CFAP43: variants seen among roughly 807,000 people sequenced by gnomAD.
The protein encoded by CFAP43 is cilia and flagella associated protein 43.
A neutral mutation model predicts 218.9 loss-of-function variants in CFAP43; 155 were observed. The ratio of observed to expected loss-of-function variants is 0.71; its 90% CI spans 0.62 to 0.81. The LOEUF is 0.81. CFAP43 is among the 30% of genes least tolerant of loss of function. The probability of loss-of-function intolerance (pLI) is 0.00; values close to 1 mark genes in which losing one functional copy is unlikely to be tolerated. For missense variants in CFAP43, 1,778 were observed against 1,954.3 expected (o/e 0.91, Z 1.70); for synonymous variants, 645 against 681.3 (o/e 0.95, Z 0.83).
intron 2 of CFAP43, among the ~76,000 whole-genome samples, chr10:104,226,330 CATAAT>C (rs1287880756): frequency 2.0e-5 from 3 of 151,896 alleles, no homozygotes; most frequent in Admixed American, 2.0e-4. Context: ...TTTAATTGAC[CATAAT>C]ATAATCCTAA....
chr10:104,157,050 TAAAAC>T (rs2088586696), intron 27 of CFAP43, among the ~76,000 whole-genome samples: 1 of 152,118 alleles, frequency 6.6e-6, no homozygotes, highest in Admixed American at 6.5e-5. Context: ...ATGAAAAAAA[TAAAAC>T]AAGTAAAAAT....
At chr10:104,148,236 T>C (rs1251162796) in intron 28 of CFAP43, among the ~76,000 whole-genome samples, 1 of 152,208 alleles carries the variant, frequency 6.6e-6, no homozygotes, top group Non-Finnish European at 1.5e-5. Context: ...CATGAATATA[T>C]AATTTAATGG....
intron 31 of CFAP43, 54 bp downstream of exon 31, chr10:104,145,422 C>T: frequency 8.0e-7 from 1 of 1,246,126 alleles, no homozygotes; most frequent in Non-Finnish European, 1.2e-6. Context: ...AGTAACACTC[C>T]TCTTTATTTG....
At position 104,132,727 on chromosome 10, in the gene CFAP43, A is replaced by G. The variant is rs922792446; in HGVS notation, c.4597-531T>C. 7.1e-6 allele frequency: 7 copies of G among 984,964 alleles called. No homozygotes were observed. The African/African-American group carries it at 1.2e-4, about 17-fold the overall frequency. 61.0% of individuals were successfully genotyped at this position (984,964 alleles called of 1,614,324 possible). A position where few individuals can be genotyped will look rare whatever the true frequency, so the allele number is the denominator to read the frequency against. On this transcript the variant is annotated intron_variant, in intron 35 of 37. Transcript: ENST00000357060. ...TACATCAAAGCACCAATTATTACAA[A>G]TGCCTACTTTATTTTCTCATTCATT...
intron 5 of CFAP43, among the ~76,000 whole-genome samples, chr10:104,208,755 C>A (rs1465341199): frequency 6.6e-6 from 1 of 152,074 alleles, no homozygotes; most frequent in African/African-American, 2.4e-5. Context: ...ATATTTGAGT[C>A]TCTAAAAGAG....
chr10:104,215,786 T>C (rs1363759067), intron 3 of CFAP43, among the ~76,000 whole-genome samples: 1 of 152,106 alleles, frequency 6.6e-6, no homozygotes, highest in Non-Finnish European at 1.5e-5. Flanking sequence ...ATGAATAAAA[T>C]AGAGGCCATC....
intron 14 of CFAP43, 97 bp downstream of exon 14, chr10:104,187,223 A>G: frequency 3.1e-6 from 3 of 965,930 alleles, no homozygotes; most frequent in Non-Finnish European, 4.2e-6. Flanking sequence ...TAACTGAACT[A>G]TTCTGTTAAA....
chr10:104,188,344 A>G lies in CFAP43; in HGVS notation c.1613T>C (p.Met538Thr), dbSNP rs1367271986. 1.2e-6 allele frequency: 2 copies of G among 1,614,186 alleles called. No individual in the cohort carries two copies. Among genetic ancestry groups the G allele is most frequent in the Non-Finnish European group, 1.7e-6 (2 of 1,180,026 alleles). Residue 538 changes from methionine to threonine, a missense_variant, in exon 13 of 38, where the codon ATG (methionine) becomes ACG (threonine). Met to Thr is a moderately conservative substitution (Grantham distance 81, BLOSUM62 -1). Around this residue, in one of 3 missense-constraint regions of CFAP43, gnomAD observed 1,553 missense variants for 1,685.2 expected, o/e 0.92. Coordinates refer to ENST00000357060, the MANE Select transcript of CFAP43 (RefSeq NM_025145.7). ...SLLETDIVEV[M>T]VLSSLPEAGR... ...TGCTTCTGGAAGCGAGGAAAGCACC[A>G]TCACTTCCACTATGTCTGTTTCTAA...
rs746422961 is a variant in CFAP43, at chr10:104,132,235, CTCTT to C, written c.4597-43_4597-40del. ...AAAAAACATGTAAGGATATTTTTCT[CTCTT>C]TCAATAGATGACTTTATAAAGGTTG... On this transcript the variant is annotated intron_variant, in intron 35 of 37. Coordinates refer to ENST00000357060, the MANE Select transcript of CFAP43 (RefSeq NM_025145.7). 18 of 1,380,248 alleles carry C rather than the reference CTCTT, an allele frequency of 1.3e-5. No homozygotes were observed. In the South Asian group the frequency reaches 2.2e-4, roughly 17 times the overall value. 85.5% of individuals were successfully genotyped at this position (1,380,248 alleles called of 1,614,324 possible).
In CFAP43 at chr10:104,161,162, C is replaced by T. The variant is rs2088849577; in HGVS notation, c.3415G>A (p.Val1139Met). 6 of 1,612,802 alleles carry T rather than the reference C, an allele frequency of 3.7e-6. No individual in the cohort carries two copies. The highest frequency in any genetic ancestry group is 5.1e-6 in the Non-Finnish European group (6 of 1,179,636). ...EVKKEDILRM[V>M]IPQPAFMAKP... ...GCCATGAAAGCAGGTTGAGGAATCA[C>T]CTGAAGATATGAAGAAAAGCATATA... The change falls in exon 27 of 38, where the codon GTG (valine) becomes ATG (methionine). Residue 1139 changes from valine (V) to methionine (M), a missense_variant and splice_region_variant. Physicochemically the swap from Val to Met is conservative, Grantham distance 21. Transcript: ENST00000357060.
intron 33 of CFAP43, among the ~76,000 whole-genome samples, chr10:104,141,443 C>T (rs2087701314): frequency 6.6e-6 from 1 of 152,076 alleles, no homozygotes; most frequent in African/African-American, 2.4e-5. Context: ...GAAACCCCAT[C>T]TCTACTAACA....
At chr10:104,137,359 C>T (rs1326908479) in intron 34 of CFAP43, among the ~76,000 whole-genome samples, 1 of 152,138 alleles carries the variant, frequency 6.6e-6, no homozygotes, top group Non-Finnish European at 1.5e-5. Context: ...AGCCAGAAAA[C>T]AAAGGCCACA....
At chr10:104,160,111 G>T (rs979116760) in intron 27 of CFAP43, among the ~76,000 whole-genome samples, 1 of 152,160 alleles carries the variant, frequency 6.6e-6, no homozygotes, top group African/African-American at 2.4e-5. Flanking sequence ...CAGCAGGTGA[G>T]TACAAAGAAG....
intron 12 of CFAP43, among the ~76,000 whole-genome samples, chr10:104,189,935 A>C (rs1340168249): frequency 1.3e-5 from 2 of 152,208 alleles, no homozygotes; most frequent in African/African-American, 2.4e-5. Flanking sequence ...TGGGAGGCCA[A>C]GGCGGGCGGA....
At chr10:104,168,113 C>G (rs2089256050) in intron 21 of CFAP43, among the ~76,000 whole-genome samples, 1 of 152,136 alleles carries the variant, frequency 6.6e-6, no homozygotes, top group Non-Finnish European at 1.5e-5. Context: ...GCTACACACC[C>G]TACAGGGCAT....
At chr10:104,185,811 C>T (rs969938162) in intron 15 of CFAP43, among the ~76,000 whole-genome samples, 163 bp downstream of exon 15, 2 of 152,264 alleles carry the variant, frequency 1.3e-5, no homozygotes, top group South Asian at 2.1e-4. Context: ...CTTCCTGTTC[C>T]CATGACCTAA....
Position 104,230,859 on chromosome 10 carries a change from T to C in CFAP43, c.66-16A>G. On this transcript the variant is annotated splice_polypyrimidine_tract_variant and intron_variant, in intron 1 of 37. Coordinates refer to ENST00000357060, the MANE Select transcript of CFAP43 (RefSeq NM_025145.7). ...TTGCACCCATCTTTGGGAAAAGATA[T>C]GTCAACATCAATATAATACATTTCA... is the stretch of plus-strand genomic sequence containing the variant. 3 of 1,593,662 alleles carry C rather than the reference T, an allele frequency of 1.9e-6. No homozygotes were observed. The highest frequency in any genetic ancestry group is 3.4e-4 in the Middle Eastern group (2 of 5,894).
chr10:104,153,498 T>C (rs2088378970), intron 27 of CFAP43, among the ~76,000 whole-genome samples: 3 of 152,200 alleles, frequency 2.0e-5, no homozygotes, highest in Admixed American at 2.0e-4. Context: ...TGCATGCCTG[T>C]ATCAAAACAT....
chr10:104,155,121 G>T (rs2088470829), intron 27 of CFAP43, among the ~76,000 whole-genome samples: 1 of 152,160 alleles, frequency 6.6e-6, no homozygotes. Context: ...AAATGAGAGG[G>T]ACTCTGCTGA....
Sources: gnomAD v4.1 joint callset for allele counts (sites outside exome capture counted in the v4.1 genomes callset) on GRCh38, gnomAD v4.1.1 for gene constraint, gnomAD v4.1.1 regional missense constraint, MANE v1.5 for transcripts, NCBI Gene and HGNC (gene_info 2026-07-23, HGNC 2026-07-21) for gene names.